Variants in CUBN observed in about 807,000 individuals in gnomAD.
The protein encoded by CUBN is 460 kDa receptor.
A neutral mutation model predicts 405.3 loss-of-function variants in CUBN; 282 were observed. The observed-to-expected ratio is 0.70, with a 90% CI of 0.63 to 0.77. CUBN has a LOEUF of 0.77. Among genes scored for constraint, CUBN ranks in the 30% least tolerant of loss-of-function variants. The pLI is 0.00. For missense variants in CUBN, 4,514 were observed against 4,475.2 expected (o/e 1.01, Z -0.25); for synonymous variants, 1,684 against 1,617.0 (o/e 1.04, Z -0.99).
At chr10:16,847,248 C>A (rs912285789) in intron 60 of CUBN, among the ~76,000 whole-genome samples, 11 of 152,124 alleles carry the variant, frequency 7.2e-5, no homozygotes, top group Admixed American at 2.0e-4. Context: ...GTCAGGACAT[C>A]GAGACCATCT....
intron 58 of CUBN, among the ~76,000 whole-genome samples, chr10:16,873,028 C>A (rs1437193031): frequency 6.6e-6 from 1 of 152,176 alleles, no homozygotes; most frequent in Non-Finnish European, 1.5e-5. Flanking sequence ...CCAACTGATA[C>A]ATGAGGCCTC....
intron 27 of CUBN, among the ~76,000 whole-genome samples, chr10:17,030,127 T>G (rs1834757964): frequency 6.6e-6 from 1 of 152,180 alleles, no homozygotes; most frequent in African/African-American, 2.4e-5. Context: ...CACCCCCCAG[T>G]GGTACTGTCT....
At chr10:17,121,488 C>T (rs4027551) in intron 6 of CUBN, among the ~76,000 whole-genome samples, 132,713 of 145,106 alleles carry the variant, frequency 0.91, 60,837 homozygotes, top group Non-Finnish European at 0.95. Context: ...TAGGTGGGAA[C>T]TGAACAATGA....
Position 16,998,737 on chromosome 10 carries a change from C to G in CUBN, c.4169-8222G>C, listed in dbSNP as rs941736197. ...GTAATTATTACTTCCTATTTGTCAT[C>G]TTGAGGTTTAGAGGATGGTTGGTCA... On this transcript the variant is annotated intron_variant, in intron 28 of 66. Coordinates refer to ENST00000377833, the MANE Select transcript of CUBN (RefSeq NM_001081.4). 3.9e-5 allele frequency among the ~76,000 whole-genome samples: 6 copies of G among 152,264 alleles called. No homozygotes were observed. In the East Asian group the frequency reaches 9.6e-4, roughly 24 times the overall value.
intron 51 of CUBN, among the ~76,000 whole-genome samples, chr10:16,902,102 C>T (rs1324005986): frequency 7.6e-6 from 1 of 131,482 alleles, no homozygotes. Context: ...TATATATATA[C>T]ACACACACAC....
intron 28 of CUBN, 58 bp downstream of exon 28, chr10:17,019,775 A>C (rs1490353458): frequency 1.4e-5 from 23 of 1,611,338 alleles, no homozygotes; most frequent in South Asian, 2.2e-5. Flanking sequence ...ACTGAAAAAG[A>C]AAAAATTCTT....
chr10:17,045,243 A>G, intron 24 of CUBN, 55 bp from the exon 25 acceptor site: 2 of 1,559,406 alleles, frequency 1.3e-6, no homozygotes, highest in South Asian at 1.1e-5. Context: ...GGGAAATTGA[A>G]TCTTTTTGTC....
At chr10:17,044,787 T>G (rs1835087222) in intron 25 of CUBN, among the ~76,000 whole-genome samples, 2 of 152,166 alleles carry the variant, frequency 1.3e-5, no homozygotes, top group African/African-American at 4.8e-5. Flanking sequence ...ATCTTAATAG[T>G]CTATCAATAT....
At chr10:16,887,037 C>G (rs188828678) in intron 56 of CUBN, among the ~76,000 whole-genome samples, 1,863 of 152,342 alleles carry the variant, frequency 0.012, 48 homozygotes, top group African/African-American at 0.042. Context: ...ATCTGCCCAC[C>G]TTGGCCTCCC....
chr10:16,895,360 T>C lies in CUBN; in HGVS notation c.8598+3636A>G, dbSNP rs61841432. ...TTATACACACACACACACACACACA[T>C]ATATATACACACACACACACACATA... On this transcript the variant is annotated intron_variant, in intron 54 of 66. Coordinates refer to ENST00000377833, the MANE Select transcript of CUBN (RefSeq NM_001081.4). 2.7e-3 allele frequency among the ~76,000 whole-genome samples: 356 copies of C among 133,058 alleles called. 2 individuals are homozygous for C. The highest frequency in any genetic ancestry group is 0.014 in the Middle Eastern group (4 of 282). The allele number at this position is 133,058 out of a possible 152,430, so 87.3% of individuals were successfully genotyped here.
At chr10:17,072,993 A>C (rs1201196299) in intron 17 of CUBN, among the ~76,000 whole-genome samples, 1 of 152,204 alleles carries the variant, frequency 6.6e-6, no homozygotes, top group Non-Finnish European at 1.5e-5. Context: ...AAAATCTCCC[A>C]TAAGATGCTC....
chr10:16,903,869 T>C, intron 51 of CUBN, 97 bp downstream of exon 51: 2 of 877,474 alleles, frequency 2.3e-6, no homozygotes, highest in Non-Finnish European at 3.4e-6. Context: ...AATAGCTATG[T>C]AGAAATAAAT....
chr10:16,838,182 T>C (rs946938832), intron 62 of CUBN, among the ~76,000 whole-genome samples: 8 of 152,210 alleles, frequency 5.3e-5, no homozygotes, highest in African/African-American at 1.7e-4. Flanking sequence ...TCTATTCAGC[T>C]GCCAGCACAT....
At chr10:17,098,934 A>C (rs1836435100) in intron 14 of CUBN, among the ~76,000 whole-genome samples, 1 of 152,154 alleles carries the variant, frequency 6.6e-6, no homozygotes, top group Non-Finnish European at 1.5e-5. Flanking sequence ...AAAATAGTTT[A>C]TGTTCATGCA....
At chr10:16,881,298 T>C (rs1176054073) in intron 56 of CUBN, among the ~76,000 whole-genome samples, 3 of 152,240 alleles carry the variant, frequency 2.0e-5, no homozygotes, top group South Asian at 4.1e-4. Flanking sequence ...ACAGTGGCAG[T>C]TGTCTTAGAA....
At chr10:16,908,223 G>A (rs535275434) in intron 48 of CUBN, among the ~76,000 whole-genome samples, 19 of 152,088 alleles carry the variant, frequency 1.2e-4, no homozygotes, top group African/African-American at 2.7e-4. Flanking sequence ...TTGGCTCACC[G>A]TATCCTTCAC....
intron 66 of CUBN, 46 bp from the exon 67 acceptor site, chr10:16,825,128 G>C (rs1221492078): frequency 1.4e-6 from 2 of 1,400,504 alleles, no homozygotes; most frequent in East Asian, 4.7e-5. Context: ...TCACATATTT[G>C]AACGTTTTTC....
intron 2 of CUBN, 78 bp downstream of exon 2, chr10:17,129,043 A>C: frequency 9.1e-7 from 1 of 1,099,254 alleles, no homozygotes; most frequent in Non-Finnish European, 1.4e-6. Context: ...TTCAAGGTAC[A>C]GATTAATCTA....
chr10:16,981,242 A>C (rs1236057651), intron 31 of CUBN, among the ~76,000 whole-genome samples: 1 of 149,466 alleles, frequency 6.7e-6, no homozygotes, highest in Non-Finnish European at 1.5e-5. Context: ...GAGAAGAAGG[A>C]GCTGGACATC....
Sources: gnomAD v4.1 joint callset for allele counts (sites outside exome capture counted in the v4.1 genomes callset) on GRCh38, gnomAD v4.1.1 for gene constraint, MANE v1.5 for transcripts, NCBI Gene and HGNC (gene_info 2026-07-23, HGNC 2026-07-21) for gene names.